Variants in RALYL observed in about 807,000 individuals in gnomAD.
The protein encoded by RALYL is RALY RNA binding protein like, also known as RNA-binding Raly-like protein.
A neutral mutation model predicts 35.1 loss-of-function variants in RALYL; 29 were observed. The ratio of observed to expected loss-of-function variants is 0.83; its 90% CI spans 0.61 to 1.13. The LOEUF is 1.13. Among genes scored for constraint, RALYL ranks in the 50% most tolerant of loss-of-function variants. The probability of loss-of-function intolerance (pLI) is 0.00; values close to 1 mark genes in which losing one functional copy is unlikely to be tolerated. For synonymous variants in RALYL, 120 were observed against 127.6 expected (o/e 0.94, Z 0.40); for missense variants, 359 against 360.4 (o/e 1.00, Z 0.03).
intron 3 of RALYL, among the ~76,000 whole-genome samples, chr8:84,775,775 C>T (rs2133610800): frequency 6.6e-6 from 1 of 152,314 alleles, no homozygotes; most frequent in South Asian, 2.1e-4. Flanking sequence ...CAAGAGTAAA[C>T]TTATATAACT....
chr8:84,426,473 T>TGTGTGTGTGTGG (rs781271546), intron 1 of RALYL, among the ~76,000 whole-genome samples: 1 of 149,030 alleles, frequency 6.7e-6, no homozygotes. Flanking sequence ...TGTGTGTGTG[T>TGTGTGTGTGTGG]GGGTTTAGAT....
chr8:84,296,979 T>C (rs960837652), intron 1 of RALYL, among the ~76,000 whole-genome samples: 7 of 151,814 alleles, frequency 4.6e-5, no homozygotes, highest in African/African-American at 1.7e-4. Flanking sequence ...GAGTTGGTCC[T>C]GGAAGAAACT....
At chr8:84,871,768 A>T (rs1840231168) in intron 6 of RALYL, among the ~76,000 whole-genome samples, 1 of 152,010 alleles carries the variant, frequency 6.6e-6, no homozygotes. Context: ...AGTCTGCTTT[A>T]AAAAAAATCT....
chr8:84,615,339 GA>G lies in RALYL; in HGVS notation c.256+85775del, dbSNP rs35836998. Among the ~76,000 whole-genome samples, 309 of 140,168 alleles carry G rather than the reference GA, an allele frequency of 2.2e-3. 3 individuals carry two copies. Among genetic ancestry groups the G allele is most frequent in the African/African-American group, 5.2e-3 (200 of 38,634 alleles). The allele number at this position is 140,168 out of a possible 152,430, so 92.0% of individuals were successfully genotyped here. A position where few individuals can be genotyped will look rare whatever the true frequency, so the allele number is the denominator to read the frequency against. ...TTCCTGCTATCATGTTAAATACATTGAAAAAAAAAAAAACAGAACGTCCTTA... is the reference window on the plus strand; with the variant it reads ...TTCCTGCTATCATGTTAAATACATTGAAAAAAAAAAAACAGAACGTCCTTA... On this transcript the variant is annotated intron_variant, in intron 2 of 8. Coordinates refer to ENST00000521268, the MANE Select transcript of RALYL (RefSeq NM_173848.7).
rs56387511 is a variant in RALYL at position 84,367,318 on chromosome 8, A to ATTTTTTTTTT, written c.-23-161939_-23-161930dup. Among the ~76,000 whole-genome samples the ATTTTTTTTTT allele has an allele frequency of 2.6e-4, 7 of 27,406 alleles. 2 individuals are homozygous for ATTTTTTTTTT. Among genetic ancestry groups the ATTTTTTTTTT allele is most frequent in the Non-Finnish European group, 3.0e-4 (3 of 10,134 alleles). The allele number at this position is 27,406 out of a possible 152,430, so 18.0% of individuals were successfully genotyped here. A position where few individuals can be genotyped will look rare whatever the true frequency, so the allele number is the denominator to read the frequency against. ...GCCATCCTGCCCAACTAATTTTTGT[A>ATTTTTTTTTT]TTTTTTTTTTTTTTTTTTTTTTTTT... On this transcript the variant is annotated intron_variant, in intron 1 of 8. Coordinates refer to ENST00000521268, the MANE Select transcript of RALYL (RefSeq NM_173848.7).
chr8:84,690,129 T>A (rs1397681142), intron 2 of RALYL, among the ~76,000 whole-genome samples: 1 of 152,162 alleles, frequency 6.6e-6, no homozygotes, highest in Non-Finnish European at 1.5e-5. Context: ...TCAACCTAAG[T>A]TTCCATCAGC....
intron 1 of RALYL, among the ~76,000 whole-genome samples, chr8:84,324,175 G>A (rs900480156): frequency 5.9e-5 from 9 of 152,002 alleles, no homozygotes; most frequent in Non-Finnish European, 8.8e-5. Context: ...GTTTCAGAAC[G>A]TGTGGTTTGA....
At chr8:84,327,576 A>G (rs1846036059) in intron 1 of RALYL, among the ~76,000 whole-genome samples, 1 of 152,008 alleles carries the variant, frequency 6.6e-6, no homozygotes, top group Admixed American at 6.6e-5. Context: ...TGTTTACCTT[A>G]TGTATCTATG....
chr8:84,435,103 C>G (rs1194860658), intron 1 of RALYL, among the ~76,000 whole-genome samples: 2 of 152,130 alleles, frequency 1.3e-5, no homozygotes, highest in East Asian at 3.9e-4. Context: ...ATCTGAGGAA[C>G]TTTGAAGAGT....
chr8:84,315,160 G>T (rs1460112627), intron 1 of RALYL, among the ~76,000 whole-genome samples: 1 of 152,120 alleles, frequency 6.6e-6, no homozygotes, highest in African/African-American at 2.4e-5. Flanking sequence ...ATAAGCCAGA[G>T]GTTAAATAAA....
chr8:84,756,940 T>C (rs558777772), intron 2 of RALYL, among the ~76,000 whole-genome samples: 12 of 152,224 alleles, frequency 7.9e-5, no homozygotes, highest in African/African-American at 2.9e-4. Flanking sequence ...CTTACTTGAT[T>C]TAGAGACCGT....
intron 2 of RALYL, among the ~76,000 whole-genome samples, chr8:84,727,221 T>C (rs533071203): frequency 1.3e-5 from 2 of 150,166 alleles, no homozygotes; most frequent in South Asian, 4.1e-4. Context: ...TGTTATCAAA[T>C]GTTGGGCATC....
chr8:84,537,474 CA>C (rs397978512), intron 2 of RALYL, among the ~76,000 whole-genome samples: 2,523 of 84,848 alleles, frequency 0.03, 21 homozygotes, highest in East Asian at 0.076. Context: ...AATCCTGTCT[CA>C]AAAAAAAAAA....
At chr8:84,641,217 T>C (rs899229031) in intron 2 of RALYL, among the ~76,000 whole-genome samples, 2 of 151,632 alleles carry the variant, frequency 1.3e-5, no homozygotes, top group Admixed American at 6.6e-5. Context: ...TTTTACCTTT[T>C]TTAAATAAGT....
chr8:84,655,084 T>C (rs527891668), intron 2 of RALYL, among the ~76,000 whole-genome samples: 1 of 152,258 alleles, frequency 6.6e-6, no homozygotes, highest in South Asian at 2.1e-4. Context: ...TCCTTTCTGC[T>C]ACATGCTCAC....
intron 1 of RALYL, among the ~76,000 whole-genome samples, chr8:84,503,280 A>T (rs183232990): frequency 6.6e-6 from 1 of 151,660 alleles, no homozygotes; most frequent in Non-Finnish European, 1.5e-5. Flanking sequence ...TAGACTCCCA[A>T]GTAGCTGGAA....
chr8:84,271,120 A>C (rs1217369607), intron 1 of RALYL, among the ~76,000 whole-genome samples: 1 of 152,032 alleles, frequency 6.6e-6, no homozygotes, highest in Non-Finnish European at 1.5e-5. Flanking sequence ...AACAAGCTAG[A>C]GTGAAATGAA....
intron 1 of RALYL, among the ~76,000 whole-genome samples, chr8:84,528,455 A>C (rs2134915953): frequency 6.6e-6 from 1 of 152,268 alleles, no homozygotes; most frequent in South Asian, 2.1e-4. Context: ...ATTTAATTAA[A>C]CACAGATATT....
rs576697838 is a variant in RALYL, at chr8:84,699,018, A to C, written c.257-75561A>C. On this transcript the variant is annotated intron_variant, in intron 2 of 8. Transcript: ENST00000521268. ...GATAGGTAGGTACATAGATAGATAG[A>C]TAGATAGATAGATAGATAGATAGAT... Among the ~76,000 whole-genome samples the C allele has an allele frequency of 1.1e-3, 161 of 150,970 alleles. 1 individual carries two copies. The highest frequency in any genetic ancestry group is 3.7e-3 in the African/African-American group (154 of 41,290).
Sources: allele counts gnomAD v4.1 joint callset (sites outside exome capture counted in the v4.1 genomes callset), GRCh38; gene constraint gnomAD v4.1.1; transcripts MANE v1.5; gene names NCBI Gene and HGNC (gene_info 2026-07-23, HGNC 2026-07-21).